Variants in PARD3 observed in about 807,000 individuals in gnomAD.
The protein encoded by PARD3 is par-3 family cell polarity regulator.
PARD3 carries 75 observed loss-of-function variants against 155.4 expected under a neutral mutation model. The observed-to-expected ratio is 0.48, with a 90% CI of 0.40 to 0.58. The LOEUF (loss-of-function observed/expected upper bound fraction) is 0.58. PARD3 is among the 20% of genes least tolerant of loss of function. PARD3 has a pLI of 0.00. For synonymous variants in PARD3, 576 were observed against 610.5 expected (o/e 0.94, Z 0.83); for missense variants, 1,642 against 1,721.7 (o/e 0.95, Z 0.82).
At chr10:34,148,618 G>T (rs1457346537) in intron 22 of PARD3, among the ~76,000 whole-genome samples, 3 of 152,084 alleles carry the variant, frequency 2.0e-5, no homozygotes, top group African/African-American at 7.2e-5. Context: ...AGGTATGGGG[G>T]TGCATGAAAT....
chr10:34,247,224 A>C (rs1401624719), intron 22 of PARD3, among the ~76,000 whole-genome samples: 2 of 152,244 alleles, frequency 1.3e-5, no homozygotes, highest in African/African-American at 2.4e-5. Flanking sequence ...CAGACAGGAT[A>C]GACATGGTGG....
chr10:34,579,588 G>GTGTT (rs1554775675), intron 2 of PARD3, among the ~76,000 whole-genome samples: 1 of 148,304 alleles, frequency 6.7e-6, no homozygotes, highest in Non-Finnish European at 1.5e-5. Context: ...GTGTGTGTGT[G>GTGTT]TGTGTGTTTT....
chr10:34,494,429 C>T (rs970489631), intron 3 of PARD3, among the ~76,000 whole-genome samples: 2 of 152,190 alleles, frequency 1.3e-5, no homozygotes, highest in Non-Finnish European at 2.9e-5. Context: ...TACTGGGAAG[C>T]TGCTGAAGGT....
chr10:34,688,327 G>A (rs979160849), intron 2 of PARD3, among the ~76,000 whole-genome samples: 8 of 152,188 alleles, frequency 5.3e-5, no homozygotes. Flanking sequence ...TGTTGAGAAC[G>A]AAGGGAAGGT....
intron 22 of PARD3, among the ~76,000 whole-genome samples, chr10:34,224,377 A>G (rs1421338464): frequency 6.6e-6 from 1 of 152,248 alleles, no homozygotes; most frequent in African/African-American, 2.4e-5. Context: ...TGTTTTAAGC[A>G]TACTGAAACT....
chr10:34,793,064 AGCAGTG>A (rs1287661156), intron 1 of PARD3, among the ~76,000 whole-genome samples: 1 of 152,234 alleles, frequency 6.6e-6, no homozygotes, highest in African/African-American at 2.4e-5. Context: ...TGTGGGCTCC[AGCAGTG>A]GCACTTGGTG....
intron 5 of PARD3, among the ~76,000 whole-genome samples, chr10:34,421,924 G>C (rs750524849): frequency 6.6e-6 from 1 of 152,126 alleles, no homozygotes; most frequent in Non-Finnish European, 1.5e-5. Flanking sequence ...GTAAACAGAG[G>C]TCAGAGAAGG....
At chr10:34,340,388 T>C (rs1024392569) in intron 16 of PARD3, among the ~76,000 whole-genome samples, 1 of 152,188 alleles carries the variant, frequency 6.6e-6, no homozygotes, top group Non-Finnish European at 1.5e-5. Flanking sequence ...GCAGTCAATG[T>C]AACACCATCT....
intron 1 of PARD3, among the ~76,000 whole-genome samples, chr10:34,731,633 G>C (rs1037424093): frequency 2.6e-5 from 4 of 152,164 alleles, no homozygotes; most frequent in African/African-American, 9.7e-5. Context: ...ACCAACAATT[G>C]AGAAAAGTTG....
At chr10:34,730,263 G>A (rs1194587469) in intron 1 of PARD3, among the ~76,000 whole-genome samples, 3 of 151,930 alleles carry the variant, frequency 2.0e-5, no homozygotes, top group Admixed American at 6.6e-5. Context: ...CAAAAGCAAC[G>A]CATCTACAAA....
intron 2 of PARD3, among the ~76,000 whole-genome samples, chr10:34,557,972 C>T (rs902503588): frequency 1.3e-5 from 2 of 150,242 alleles, no homozygotes; most frequent in Non-Finnish European, 3.0e-5. Flanking sequence ...GAAAAAAGTA[C>T]AAAAGGTATC....
At chr10:34,701,938 G>C (rs1338209057) in intron 1 of PARD3, among the ~76,000 whole-genome samples, 2 of 152,106 alleles carry the variant, frequency 1.3e-5, no homozygotes, top group Non-Finnish European at 2.9e-5. Context: ...CAAGGTGGGT[G>C]GATCACTTGA....
chr10:34,814,840 G>GC, intron 1 of PARD3, 36 bp downstream of exon 1: 3 of 658,616 alleles, frequency 4.6e-6, no homozygotes, highest in Middle Eastern at 5.2e-4. Context: ...CGTCCCCGCC[G>GC]CCGCCCCCTC....
chr10:34,262,454 C>T (rs1955076532), intron 22 of PARD3, among the ~76,000 whole-genome samples: 1 of 152,034 alleles, frequency 6.6e-6, no homozygotes, highest in Non-Finnish European at 1.5e-5. Flanking sequence ...TTTTAAGAGA[C>T]AGCATCTCGC....
At chr10:34,767,333 A>G (rs1217000105) in intron 1 of PARD3, among the ~76,000 whole-genome samples, 2 of 152,180 alleles carry the variant, frequency 1.3e-5, no homozygotes, top group Admixed American at 6.5e-5. Flanking sequence ...CTGATGGCAC[A>G]GCAGCTGGGA....
chr10:34,196,614 C>T (rs1348378604), intron 22 of PARD3, among the ~76,000 whole-genome samples: 1 of 141,078 alleles, frequency 7.1e-6, no homozygotes, highest in Non-Finnish European at 1.5e-5. Context: ...CGCTCTGTCG[C>T]CCAGGCTGGA....
At chr10:34,355,716 C>G (rs1838727281) in intron 14 of PARD3, among the ~76,000 whole-genome samples, 1 of 151,976 alleles carries the variant, frequency 6.6e-6, no homozygotes, top group Non-Finnish European at 1.5e-5. Context: ...ATCACAAGGT[C>G]AGGAGTTTGA....
intron 1 of PARD3, among the ~76,000 whole-genome samples, chr10:34,749,691 G>A (rs954567549): frequency 6.6e-6 from 1 of 152,126 alleles, no homozygotes; most frequent in Admixed American, 6.5e-5. Flanking sequence ...TGGATAGTCA[G>A]AAGTAACTAC....
At chr10:34,679,613 C>T (rs908607739) in intron 2 of PARD3, among the ~76,000 whole-genome samples, 10 of 152,114 alleles carry the variant, frequency 6.6e-5, no homozygotes, top group African/African-American at 2.4e-4. Flanking sequence ...AAAATAGTCA[C>T]AAGCATTACG....
Sources: gnomAD v4.1 joint callset for allele counts (sites outside exome capture counted in the v4.1 genomes callset) on GRCh38, gnomAD v4.1.1 for gene constraint, MANE v1.5 for transcripts, NCBI Gene and HGNC (gene_info 2026-07-23, HGNC 2026-07-21) for gene names.